MAPK10: variants seen among roughly 807,000 people sequenced by gnomAD.
MAPK10 encodes JNK3 alpha protein kinase.
MAPK10 carries 25 observed loss-of-function variants against 59.3 expected under a neutral mutation model. That is an observed-to-expected ratio of 0.42 (90% CI 0.31 to 0.59). MAPK10 has a LOEUF of 0.59. Among genes scored for constraint, MAPK10 ranks in the 20% least tolerant of loss-of-function variants. The pLI is 0.15. For synonymous variants in MAPK10, 190 were observed against 200.5 expected (o/e 0.95, Z 0.44); for missense variants, 351 against 568.9 (o/e 0.62, Z 3.90).
intron 4 of MAPK10, among the ~76,000 whole-genome samples, chr4:86,110,076 G>T (rs1289385676): frequency 6.6e-6 from 1 of 151,782 alleles, no homozygotes; most frequent in Non-Finnish European, 1.5e-5. Context: ...TATGAGGTTG[G>T]TTTTTTTCTT....
intron 3 of MAPK10, among the ~76,000 whole-genome samples, chr4:86,173,807 T>A (rs1298164518): frequency 1.3e-5 from 2 of 152,150 alleles, no homozygotes; most frequent in African/African-American, 4.8e-5. Context: ...CCATCAAAAG[T>A]GGCCAAAGGA....
intron 1 of MAPK10, among the ~76,000 whole-genome samples, chr4:86,462,205 G>T (rs1751810262): frequency 1.3e-5 from 2 of 152,204 alleles, no homozygotes; most frequent in South Asian, 4.1e-4. Flanking sequence ...TGCCAGCGGG[G>T]ATGATAGGAT....
intron 2 of MAPK10, among the ~76,000 whole-genome samples, chr4:86,237,283 C>T (rs557330526): frequency 4.5e-4 from 68 of 152,198 alleles, no homozygotes; most frequent in African/African-American, 1.6e-3. Context: ...TGTTCTGTGT[C>T]CGTGCTATTG....
chr4:86,504,579 T>C (rs1246392960), intron 1 of MAPK10, among the ~76,000 whole-genome samples: 2 of 152,124 alleles, frequency 1.3e-5, no homozygotes, highest in African/African-American at 4.8e-5. Context: ...TCAAAAACAT[T>C]AGGAAGCTCA....
At chr4:86,179,808 A>G (rs1027688960) in intron 3 of MAPK10, among the ~76,000 whole-genome samples, 10 of 152,016 alleles carry the variant, frequency 6.6e-5, no homozygotes, top group African/African-American at 2.4e-4. Flanking sequence ...GAATGAAACT[A>G]TATCTCTCAC....
chr4:86,296,038 T>G lies in MAPK10; in HGVS notation c.-7+58492A>C, dbSNP rs184826311. 3.8e-3 allele frequency among the ~76,000 whole-genome samples: 580 copies of G among 151,350 alleles called. 3 individuals carry two copies. The highest frequency in any genetic ancestry group is 0.01 in the South Asian group (49 of 4,812). On this transcript the variant is annotated intron_variant, in intron 2 of 13. Transcript: ENST00000641462. ...TGAAAATATAAAAATTAGCCAGGCTTGGTGGTGGGCATCTGTAATCCCAGC... is the reference window on the plus strand; with the variant it reads ...TGAAAATATAAAAATTAGCCAGGCTGGGTGGTGGGCATCTGTAATCCCAGC...
At chr4:86,369,905 C>G (rs1306020766) in intron 1 of MAPK10, among the ~76,000 whole-genome samples, 2 of 152,108 alleles carry the variant, frequency 1.3e-5, no homozygotes, top group Non-Finnish European at 1.5e-5. Flanking sequence ...TAGGCACTGT[C>G]ATAATAGGGA....
intron 4 of MAPK10, chr4:86,152,019 C>T (rs927766345): frequency 3.9e-5 from 6 of 152,172 alleles, no homozygotes; most frequent in African/African-American, 1.4e-4. Flanking sequence ...AAAGCAGCTC[C>T]TCGAGGCGGA....
chr4:86,175,276 T>C (rs1230947823), intron 3 of MAPK10, among the ~76,000 whole-genome samples: 1 of 152,178 alleles, frequency 6.6e-6, no homozygotes, highest in Non-Finnish European at 1.5e-5. Context: ...TTTATATTTT[T>C]AGAAAAGAGA....
At chr4:86,179,013 T>C (rs745893915) in intron 3 of MAPK10, among the ~76,000 whole-genome samples, 56 of 151,990 alleles carry the variant, frequency 3.7e-4, no homozygotes, top group Admixed American at 3.5e-3. Flanking sequence ...CCATCCTGGC[T>C]AACATGATGA....
intron 9 of MAPK10, among the ~76,000 whole-genome samples, chr4:86,083,305 G>A (rs531428492): frequency 2.9e-4 from 44 of 152,240 alleles, no homozygotes; most frequent in African/African-American, 8.9e-4. Flanking sequence ...AAGCACTGAA[G>A]AGGCAGGAGA....
At chr4:86,411,632 T>G (rs576361835) in intron 1 of MAPK10, among the ~76,000 whole-genome samples, 1 of 152,346 alleles carries the variant, frequency 6.6e-6, no homozygotes, top group South Asian at 2.1e-4. Context: ...CTTGTTGAAT[T>G]TATTCCTTTA....
chr4:86,072,604 GGTT>G (rs2048291109), intron 9 of MAPK10, among the ~76,000 whole-genome samples: 1 of 90,708 alleles, frequency 1.1e-5, no homozygotes. Context: ...TAGCATGAAG[GGTT>G]GTTGAATTTT....
chr4:86,111,347 G>C (rs993175200), intron 4 of MAPK10, among the ~76,000 whole-genome samples: 1 of 152,180 alleles, frequency 6.6e-6, no homozygotes, highest in Non-Finnish European at 1.5e-5. Flanking sequence ...CATTCAGTAT[G>C]ATAGTGGCTG....
chr4:86,565,961 C>T (rs894643292), intron 1 of MAPK10, among the ~76,000 whole-genome samples: 1 of 152,184 alleles, frequency 6.6e-6, no homozygotes, highest in East Asian at 1.9e-4. Flanking sequence ...TTCCTTCCCC[C>T]CAAGTCTCTT....
chr4:86,579,080 A>G (rs775220046), intron 1 of MAPK10, among the ~76,000 whole-genome samples: 1 of 152,184 alleles, frequency 6.6e-6, no homozygotes, highest in East Asian at 1.9e-4. Flanking sequence ...AAATTCACCC[A>G]ATATTTTCTG....
intron 1 of MAPK10, among the ~76,000 whole-genome samples, chr4:86,386,106 C>T (rs1281782774): frequency 6.6e-6 from 1 of 152,194 alleles, no homozygotes; most frequent in Admixed American, 6.5e-5. Context: ...AATGTGCCTT[C>T]TCCCACCTGA....
At chr4:86,141,764 T>C (rs1454034053) in intron 4 of MAPK10, among the ~76,000 whole-genome samples, 1 of 152,226 alleles carries the variant, frequency 6.6e-6, no homozygotes, top group Non-Finnish European at 1.5e-5. Flanking sequence ...AATTTTACAT[T>C]ACTAATATGT....
intron 1 of MAPK10, among the ~76,000 whole-genome samples, chr4:86,420,676 C>T (rs757018600): frequency 1.3e-5 from 2 of 152,142 alleles, no homozygotes; most frequent in Non-Finnish European, 2.9e-5. Flanking sequence ...GTAGTCCCAG[C>T]TACTCAGGGG....
Sources: allele counts gnomAD v4.1 joint callset (sites outside exome capture counted in the v4.1 genomes callset), GRCh38; gene constraint gnomAD v4.1.1; transcripts MANE v1.5; gene names NCBI Gene and HGNC (gene_info 2026-07-23, HGNC 2026-07-21).